ATXN3: variants seen among roughly 807,000 people sequenced by gnomAD.
ATXN3 encodes the protein ataxin-3.
A neutral mutation model predicts 58.2 loss-of-function variants in ATXN3; 28 were observed. That is an observed-to-expected ratio of 0.48 (90% CI 0.36 to 0.66). The LOEUF is 0.66. Ranked by LOEUF, ATXN3 falls within the 30% of genes least tolerant of loss-of-function variation. The pLI, the probability that ATXN3 is intolerant of heterozygous loss-of-function variation, is 0.00. For missense variants in ATXN3, 321 were observed against 422.1 expected (o/e 0.76, Z 2.10); for synonymous variants, 113 against 138.5 (o/e 0.82, Z 1.29).
rs1349827827 is a variant in ATXN3 at position 92,061,928 on chromosome 14, A to C, written c.*2392T>G. On this transcript the variant is annotated 3_prime_UTR_variant, in exon 11 of 11. Coordinates refer to ENST00000644486, the MANE Select transcript of ATXN3 (RefSeq NM_004993.6). ...ACAACAAACTACACAAACACATTCA[A>C]ACGCATCCAGTGTGTGCTCAGCTCT... 6.6e-6 allele frequency: 1 copy of C among 152,186 alleles called. No homozygotes were observed. The highest frequency in any genetic ancestry group is 2.4e-5 in the African/African-American group (1 of 41,438). 9.4% of individuals were successfully genotyped at this position (152,186 alleles called of 1,614,324 possible).
upstream of ATXN3, among the ~76,000 whole-genome samples, chr14:92,053,482 TTC>T (rs2057455171): frequency 1.3e-5 from 2 of 150,176 alleles, no homozygotes; most frequent in Admixed American, 1.3e-4. Context: ...CCTTTTTTTT[TTC>T]TTTCTTTCTT....
At chr14:92,096,056 T>G (rs1041455572) in intron 3 of ATXN3, 37 bp downstream of exon 3, 1 of 1,492,764 alleles carries the variant, frequency 6.7e-7, no homozygotes, top group East Asian at 2.3e-5. Flanking sequence ...GTGCCTGGGA[T>G]GTAAGCAACA....
chr14:92,081,570 T>C (rs1426045207), intron 8 of ATXN3, among the ~76,000 whole-genome samples: 2 of 151,420 alleles, frequency 1.3e-5, no homozygotes, highest in Admixed American at 6.6e-5. Context: ...AAAAATGGGA[T>C]TGCACACCAT....
chr14:92,092,040 TTAC>T (rs2063951372), intron 5 of ATXN3, among the ~76,000 whole-genome samples: 1 of 152,050 alleles, frequency 6.6e-6, no homozygotes, highest in South Asian at 2.1e-4. Flanking sequence ...CATGAAACCA[TTAC>T]TACAACCAAG....
intron 9 of ATXN3, among the ~76,000 whole-genome samples, chr14:92,078,821 T>C (rs1402375478): frequency 6.6e-6 from 1 of 152,158 alleles, no homozygotes; most frequent in East Asian, 1.9e-4. Flanking sequence ...AATATGATGA[T>C]TGAGATTTGT....
intron 10 of ATXN3, among the ~76,000 whole-genome samples, chr14:92,066,062 G>A (rs2058341103): frequency 6.6e-6 from 1 of 151,482 alleles, no homozygotes; most frequent in Non-Finnish European, 1.5e-5. Context: ...CTAAGTGCTA[G>A]TATTACAGCA....
intron 3 of ATXN3, among the ~76,000 whole-genome samples, chr14:92,094,289 T>TA (rs34231755): frequency 6.6e-4 from 99 of 150,688 alleles, no homozygotes; most frequent in Middle Eastern, 3.4e-3. Context: ...ACTAAATCCA[T>TA]AAAAAAAAAC....
chr14:92,093,142 C>T (rs1480325551), intron 5 of ATXN3, 110 bp downstream of exon 5: 2 of 625,244 alleles, frequency 3.2e-6, no homozygotes, highest in Non-Finnish European at 5.4e-6. Context: ...GTGATCCCCC[C>T]ACCTCAGCCT....
intron 6 of ATXN3, among the ~76,000 whole-genome samples, chr14:92,086,676 A>C (rs1297455668): frequency 6.6e-6 from 1 of 152,124 alleles, no homozygotes; most frequent in Non-Finnish European, 1.5e-5. Context: ...GAGTTCAAGA[A>C]AAGGAGAAGG....
intron 10 of ATXN3, among the ~76,000 whole-genome samples, chr14:92,068,482 A>G (rs2058829171): frequency 6.6e-6 from 1 of 152,172 alleles, no homozygotes; most frequent in Non-Finnish European, 1.5e-5. Context: ...CAAGTCCAGG[A>G]TAAATGAGGC....
At chr14:92,067,456 G>A (rs1203343566) in intron 10 of ATXN3, among the ~76,000 whole-genome samples, 2 of 152,164 alleles carry the variant, frequency 1.3e-5, no homozygotes, top group Non-Finnish European at 2.9e-5. Context: ...CAGTACACTA[G>A]TGCGATCTTG....
At chr14:92,083,387 T>C in intron 6 of ATXN3, 129 bp from the exon 7 acceptor site, 1 of 938,384 alleles carries the variant, frequency 1.1e-6, no homozygotes, top group Non-Finnish European at 1.6e-6. Flanking sequence ...TCAGAAAGAC[T>C]TTAGTCCAAA....
At chr14:92,081,453 G>A (rs1334331225) in intron 8 of ATXN3, among the ~76,000 whole-genome samples, 1 of 124,932 alleles carries the variant, frequency 8.0e-6, no homozygotes, top group East Asian at 2.4e-4. Flanking sequence ...GGGCGACAGT[G>A]AGACTCTGAC....
At chr14:92,095,276 G>A (rs1450764263) in intron 3 of ATXN3, among the ~76,000 whole-genome samples, 1 of 151,864 alleles carries the variant, frequency 6.6e-6, no homozygotes, top group African/African-American at 2.4e-5. Context: ...ATGGAGTCTC[G>A]CTCTGTCACC....
chr14:92,064,283 TG>T lies in ATXN3; in HGVS notation c.*36del, dbSNP rs779829271. The T allele has an allele frequency of 6.9e-7, 1 of 1,441,324 alleles. No homozygotes were observed. Among genetic ancestry groups the T allele is most frequent in the South Asian group, 1.2e-5 (1 of 85,836 alleles). The allele number at this position is 1,441,324 out of a possible 1,614,324, so 89.3% of individuals were successfully genotyped here. On this transcript the variant is annotated 3_prime_UTR_variant, in exon 11 of 11. Coordinates refer to ENST00000644486, the MANE Select transcript of ATXN3 (RefSeq NM_004993.6). ...ATGCTGTAATCACACAGGATAATGTTGGAAAGTATGAATATCTAAATTATTT... is the reference window on the plus strand; with the variant it reads ...ATGCTGTAATCACACAGGATAATGTTGAAAGTATGAATATCTAAATTATTT...
intron 1 of ATXN3, among the ~76,000 whole-genome samples, chr14:92,097,601 C>T (rs1314268577): frequency 4.0e-5 from 6 of 151,602 alleles, no homozygotes; most frequent in African/African-American, 1.5e-4. Flanking sequence ...TCTCGGCTCA[C>T]TGTAAGCTCT....
chr14:92,086,712 A>G (rs75690069), intron 6 of ATXN3, among the ~76,000 whole-genome samples: 2,862 of 152,242 alleles, frequency 0.019, 54 homozygotes, highest in South Asian at 0.08. Flanking sequence ...CCTAAGGAAA[A>G]AATAAAAATG....
intron 7 of ATXN3, 85 bp downstream of exon 7, chr14:92,083,041 G>A (rs2061751797): frequency 6.8e-7 from 1 of 1,465,274 alleles, no homozygotes; most frequent in African/African-American, 1.4e-5. Context: ...ACAACACAAG[G>A]ACCACATATT....
chr14:92,096,751 G>T lies in ATXN3; in HGVS notation c.112C>A (p.His38Asn), dbSNP rs760232954. The T allele has an allele frequency of 3.1e-6, 5 of 1,613,646 alleles. No homozygotes were observed. Among genetic ancestry groups the T allele is most frequent in the Non-Finnish European group, 4.2e-6 (5 of 1,179,776 alleles). ...FSPVELSSIA[H>N]QLDEEERMRM... Reference sequence around the variant, plus strand: ...ATCCTCTCCTCCTCATCCAGCTGATGTGCAATTGAGGATAATTCCACAGGG... The same window carrying T: ...ATCCTCTCCTCCTCATCCAGCTGATTTGCAATTGAGGATAATTCCACAGGG... The change falls in exon 2 of 11, where the codon CAT (histidine) becomes AAT (asparagine). Residue 38 changes from histidine (H) to asparagine (N), a missense_variant. By Grantham distance (68) the His-to-Asn change is moderately conservative. Transcript: ENST00000644486.
Sources: gnomAD v4.1 joint callset for allele counts (sites outside exome capture counted in the v4.1 genomes callset) on GRCh38, gnomAD v4.1.1 for gene constraint, MANE v1.5 for transcripts, NCBI Gene and HGNC (gene_info 2026-07-23, HGNC 2026-07-21) for gene names.